TNFRSF17: variants seen among roughly 807,000 people sequenced by gnomAD.
TNFRSF17 encodes tumor necrosis factor receptor superfamily member 17.
Under a neutral mutation model 9.9 loss-of-function variants are expected in TNFRSF17, and 13 were observed. The observed-to-expected ratio is 1.31, with a 90% confidence interval of 0.85 to 2.08. The LOEUF (loss-of-function observed/expected upper bound fraction) is 2.08. TNFRSF17 is among the 30% of genes most tolerant of loss of function. The probability of loss-of-function intolerance (pLI) is 0.00; values close to 1 mark genes in which losing one functional copy is unlikely to be tolerated. For synonymous variants in TNFRSF17, 99 were observed against 83.7 expected (o/e 1.18, Z -1.00); for missense variants, 305 against 225.8 (o/e 1.35, Z -2.25).
chr16:11,967,312 C>CT (rs779658967), intron 2 of TNFRSF17, among the ~76,000 whole-genome samples: 159 of 152,206 alleles, frequency 1.0e-3, no homozygotes, highest in Non-Finnish European at 1.7e-3. Flanking sequence ...CATACTCATT[C>CT]TTTTTTACTG....
At chr16:11,967,543 TTAA>T (rs756239436) in intron 2 of TNFRSF17, 24 bp from the exon 3 acceptor site, 5 of 1,598,550 alleles carry the variant, frequency 3.1e-6, no homozygotes, top group Non-Finnish European at 4.3e-6. Flanking sequence ...GAAGTTTGGG[TTAA>T]TGTTTCCGTT....
At position 11,965,319 on chromosome 16, in the gene TNFRSF17, G is replaced by C. The variant is rs2150939616; in HGVS notation, c.-6G>C. On this transcript the variant is annotated 5_prime_UTR_variant, in exon 1 of 3. Coordinates refer to ENST00000053243, the MANE Select transcript of TNFRSF17 (RefSeq NM_001192.3). The stretch of plus-strand genomic sequence containing the variant: ...TCTGTAGCTCCCTTGTTTTCTTTTT[G>C]TGATCATGTTGCAGATGGCTGGGCA... 6.2e-7 allele frequency: 1 copy of C among 1,613,642 alleles called. No individual in the cohort carries two copies. Among genetic ancestry groups the C allele is most frequent in the Non-Finnish European group, 8.5e-7 (1 of 1,179,824 alleles).
In TNFRSF17 at chr16:11,966,325, C is replaced by G. The variant is rs180992520; in HGVS notation, c.261C>G (p.Asp87Glu). The G allele has an allele frequency of 6.2e-7, 1 of 1,611,858 alleles. No individual in the cohort carries two copies. The highest frequency in any genetic ancestry group is 8.5e-7 in the Non-Finnish European group (1 of 1,179,088). ...AGATAAACTCTGAACCATTAAAGGA[C>G]GAGTTTAAAAACACAGGTTGGTTTG... ...LRKINSEPLKDEFKNTGSGLL... is the reference protein window; with the variant it reads ...LRKINSEPLKEEFKNTGSGLL... Residue 87 changes from aspartate to glutamate, a missense_variant, in exon 2 of 3, where the codon GAC becomes GAG. By Grantham distance (45) the Asp-to-Glu change is conservative. Coordinates refer to ENST00000053243, the MANE Select transcript of TNFRSF17 (RefSeq NM_001192.3).
chr16:11,965,520 T>C (rs1056080680), intron 1 of TNFRSF17, 66 bp downstream of exon 1: 8 of 1,515,624 alleles, frequency 5.3e-6, no homozygotes, highest in Admixed American at 1.9e-5. Context: ...GACTGCTTAT[T>C]CAGAGAATCA....
Position 11,967,995 on chromosome 16 carries a change from T to A in TNFRSF17, c.*148T>A. 6.8e-6 allele frequency: 6 copies of A among 881,308 alleles called. No individual in the cohort carries two copies. Among genetic ancestry groups the A allele is most frequent in the Non-Finnish European group, 8.4e-6 (5 of 597,424 alleles). 54.6% of individuals were successfully genotyped at this position (881,308 alleles called of 1,614,324 possible). A position where few individuals can be genotyped will look rare whatever the true frequency, so the allele number is the denominator to read the frequency against. Reference sequence around the variant, plus strand: ...TGGAAACTCTTTATGTTAGATATATTTCTCTAGGTTACTGTTGGGAGCTTA... The same window carrying A: ...TGGAAACTCTTTATGTTAGATATATATCTCTAGGTTACTGTTGGGAGCTTA... On this transcript the variant is annotated 3_prime_UTR_variant, in exon 3 of 3. Coordinates refer to ENST00000053243, the MANE Select transcript of TNFRSF17 (RefSeq NM_001192.3).
chr16:11,967,685 C>T lies in TNFRSF17; in HGVS notation c.393C>T (p.Cys131=), dbSNP rs1025127019. The T allele has an allele frequency of 1.9e-6, 3 of 1,614,046 alleles. No homozygotes were observed. Among genetic ancestry groups the T allele is most frequent in the Admixed American group, 1.7e-5 (1 of 59,974 alleles). Residue 131 remains cysteine, a synonymous_variant, in exon 3 of 3, where the codon TGC becomes TGT. Coordinates refer to ENST00000053243, the MANE Select transcript of TNFRSF17 (RefSeq NM_001192.3). ...YTVEECTCED[C]IKSKPKVDSD... ...TGGAAGAATGCACCTGTGAAGACTGCATCAAGAGCAAACCGAAGGTCGACT... is the reference window on the plus strand; with the variant it reads ...TGGAAGAATGCACCTGTGAAGACTGTATCAAGAGCAAACCGAAGGTCGACT...
chr16:11,965,969 G>A (rs2055190064), intron 1 of TNFRSF17, among the ~76,000 whole-genome samples: 1 of 152,078 alleles, frequency 6.6e-6, no homozygotes, highest in African/African-American at 2.4e-5. Context: ...AAATTAGCTG[G>A]GCATGGTGGC....
In TNFRSF17 at chr16:11,966,303, T is replaced by A. The variant is rs768479335; in HGVS notation, c.239T>A (p.Ile80Lys). 1.2e-6 allele frequency: 2 copies of A among 1,613,966 alleles called. No homozygotes were observed. Among genetic ancestry groups the A allele is most frequent in the South Asian group, 2.2e-5 (2 of 91,030 alleles). ...GTGCTAATGTTTTTGCTAAGGAAGA[T>A]AAACTCTGAACCATTAAAGGACGAG... ...VFVLMFLLRK[I>K]NSEPLKDEFK... Residue 80 changes from isoleucine (I) to lysine (K), a missense_variant, in exon 2 of 3, where the codon ATA (isoleucine) becomes AAA (lysine). By Grantham distance (102) the Ile-to-Lys change is moderately radical. Transcript: ENST00000053243.
At chr16:11,966,462 G>C in intron 2 of TNFRSF17, 121 bp downstream of exon 2, 2 of 1,023,922 alleles carry the variant, frequency 2.0e-6, no homozygotes, top group African/African-American at 1.6e-5. Flanking sequence ...GAATGTGTTA[G>C]AACATTGTTA....
At chr16:11,965,550 G>A (rs1385641152) in intron 1 of TNFRSF17, 96 bp downstream of exon 1, 12 of 1,264,024 alleles carry the variant, frequency 9.5e-6, no homozygotes, top group Non-Finnish European at 1.3e-5. Context: ...GCATGATGGT[G>A]AGTTTTCTTG....
chr16:11,966,133 C>A, intron 1 of TNFRSF17, 62 bp from the exon 2 acceptor site: 12 of 1,463,280 alleles, frequency 8.2e-6, no homozygotes, highest in South Asian at 1.3e-5. Flanking sequence ...TAAATAATAA[C>A]AATAAAGTAT....
chr16:11,966,226 G>A lies in TNFRSF17; in HGVS notation c.162G>A (p.Ala54=), dbSNP rs200361156. 13 of 1,613,648 alleles carry A rather than the reference G, an allele frequency of 8.1e-6. No individual in the cohort carries two copies. The highest frequency in any genetic ancestry group is 2.2e-5 in the South Asian group (2 of 90,954). Residue 54 remains alanine (A), a synonymous_variant, in exon 2 of 3, where the codon GCG becomes GCA. Transcript: ENST00000053243. The part of the protein sequence containing the change: ...SVTNSVKGTN[A]ILWTCLGLSL... Reference sequence around the variant, plus strand: ...CCAATTCAGTGAAAGGAACGAATGCGATTCTCTGGACCTGTTTGGGACTGA... The same window carrying A: ...CCAATTCAGTGAAAGGAACGAATGCAATTCTCTGGACCTGTTTGGGACTGA...
At position 11,967,680 on chromosome 16, in the gene TNFRSF17, G is replaced by A; in HGVS notation, c.388G>A (p.Asp130Asn). The change falls in exon 3 of 3, where the codon GAC becomes AAC. Residue 130 changes from aspartate (D) to asparagine (N), a missense_variant. Asp to Asn is a conservative substitution (Grantham distance 23, BLOSUM62 1). Coordinates refer to ENST00000053243, the MANE Select transcript of TNFRSF17 (RefSeq NM_001192.3). ...EYTVEECTCEDCIKSKPKVDS... is the reference protein window; with the variant it reads ...EYTVEECTCENCIKSKPKVDS... ...CACGGTGGAAGAATGCACCTGTGAA[G>A]ACTGCATCAAGAGCAAACCGAAGGT... 3 of 1,614,182 alleles carry A rather than the reference G, an allele frequency of 1.9e-6. No individual in the cohort carries two copies. The highest frequency in any genetic ancestry group is 2.5e-6 in the Non-Finnish European group (3 of 1,180,042).
Position 11,967,578 on chromosome 16 carries a change from C to A in TNFRSF17, c.286C>A (p.Leu96Ile), listed in dbSNP as rs1410947280. 2 of 1,612,078 alleles carry A rather than the reference C, an allele frequency of 1.2e-6. No individual in the cohort carries two copies. The highest frequency in any genetic ancestry group is 1.7e-5 in the Admixed American group (1 of 59,830). The change falls in exon 3 of 3, where the codon CTC (leucine) becomes ATC (isoleucine). Residue 96 changes from leucine to isoleucine, a missense_variant. Coordinates refer to ENST00000053243, the MANE Select transcript of TNFRSF17 (RefSeq NM_001192.3). The stretch of plus-strand genomic sequence containing the variant: ...CGTTTCTACATAATTAGGATCAGGT[C>A]TCCTGGGCATGGCTAACATTGACCT... The part of the protein sequence containing the change: ...KDEFKNTGSG[L>I]LGMANIDLEK...
chr16:11,966,053 G>A (rs1421040956), intron 1 of TNFRSF17, 142 bp from the exon 2 acceptor site: 2 of 688,138 alleles, frequency 2.9e-6, no homozygotes, highest in Non-Finnish European at 4.3e-6. Context: ...GGAGGTTGCA[G>A]TGAGCCGAGA....
Position 11,968,016 on chromosome 16 carries a change from G to T in TNFRSF17, c.*169G>T. 1 of 734,810 alleles carries T rather than the reference G, an allele frequency of 1.4e-6. No individual in the cohort carries two copies. The highest frequency in any genetic ancestry group is 2.1e-6 in the Non-Finnish European group (1 of 476,106). 45.5% of individuals were successfully genotyped at this position (734,810 alleles called of 1,614,324 possible). On this transcript the variant is annotated 3_prime_UTR_variant, in exon 3 of 3. Coordinates refer to ENST00000053243, the MANE Select transcript of TNFRSF17 (RefSeq NM_001192.3). ...ATATTTCTCTAGGTTACTGTTGGGA[G>T]CTTAATGGTAGAAACTTCCTTGGTT...
intron 2 of TNFRSF17, among the ~76,000 whole-genome samples, chr16:11,967,353 C>T (rs11570158): frequency 0.02 from 3,049 of 152,204 alleles, 42 homozygotes; most frequent in Non-Finnish European, 0.032. Context: ...GGTGTGGTGG[C>T]ATGGAGCTGT....
chr16:11,966,248 C>T lies in TNFRSF17; in HGVS notation c.184C>T (p.Leu62=), dbSNP rs772804388. The change falls in exon 2 of 3, where the codon CTG becomes TTG. Residue 62 remains leucine (L), a synonymous_variant. Transcript: ENST00000053243. The stretch of plus-strand genomic sequence containing the variant: ...TGCGATTCTCTGGACCTGTTTGGGA[C>T]TGAGCTTAATAATTTCTTTGGCAGT... The part of the protein sequence containing the change: ...TNAILWTCLG[L]SLIISLAVFV... 2 of 1,613,954 alleles carry T rather than the reference C, an allele frequency of 1.2e-6. No homozygotes were observed.
At chr16:11,966,421 G>T (rs987836894) in intron 2 of TNFRSF17, 80 bp downstream of exon 2, 5 of 1,435,810 alleles carry the variant, frequency 3.5e-6, no homozygotes, top group Non-Finnish European at 2.9e-6. Flanking sequence ...TTTTTTTAGC[G>T]TTGACTATTT....
Sources: gnomAD v4.1 joint callset for allele counts (sites outside exome capture counted in the v4.1 genomes callset) on GRCh38, gnomAD v4.1.1 for gene constraint, MANE v1.5 for transcripts, NCBI Gene and HGNC (gene_info 2026-07-23, HGNC 2026-07-21) for gene names.